Variants in LRRC7 observed in about 807,000 individuals in gnomAD.
The protein encoded by LRRC7 is leucine rich repeat containing 7.
A neutral mutation model predicts 175.7 loss-of-function variants in LRRC7; 23 were observed. The observed-to-expected ratio is 0.13, with a 90% CI of 0.09 to 0.19. The LOEUF (loss-of-function observed/expected upper bound fraction) is 0.19. Ranked by LOEUF, LRRC7 falls within the 10% of genes least tolerant of loss-of-function variation. The pLI is 1.00. For missense variants in LRRC7, 1,354 were observed against 1,904.7 expected, an observed-to-expected ratio of 0.71 and a Z score of 5.38; for synonymous variants, 685 against 680.9, an observed-to-expected ratio of 1.01 and a Z score of -0.09.
chr1:70,036,107 A>G lies in LRRC7; in HGVS notation c.1996-14A>G. 1 of 1,587,884 alleles carries G rather than the reference A, an allele frequency of 6.3e-7. No homozygotes were observed. The highest frequency in any genetic ancestry group is 8.6e-7 in the Non-Finnish European group (1 of 1,163,124). ...ATGTTTACTTTCCTTGTCCTGTATTATTATATCTCTCAGGATTCTTTTGTT... is the reference window on the plus strand; with the variant it reads ...ATGTTTACTTTCCTTGTCCTGTATTGTTATATCTCTCAGGATTCTTTTGTT... On this transcript the variant is annotated splice_polypyrimidine_tract_variant and intron_variant, in intron 18 of 26. Transcript: ENST00000651989.
chr1:69,981,969 A>G (rs1481013927), intron 9 of LRRC7, among the ~76,000 whole-genome samples: 1 of 152,234 alleles, frequency 6.6e-6, no homozygotes, highest in Non-Finnish European at 1.5e-5. Flanking sequence ...TAACACAGCC[A>G]GTACCCCAGG....
intron 26 of LRRC7, among the ~76,000 whole-genome samples, chr1:70,113,182 A>G (rs1195398487): frequency 6.6e-6 from 1 of 152,190 alleles, no homozygotes; most frequent in Non-Finnish European, 1.5e-5. Flanking sequence ...CAAACACTGA[A>G]TCACGCTTCC....
At chr1:69,756,111 A>T (rs1670396922) in intron 2 of LRRC7, among the ~76,000 whole-genome samples, 1 of 151,990 alleles carries the variant, frequency 6.6e-6, no homozygotes, top group African/African-American at 2.4e-5. Flanking sequence ...ATGAAAAAAG[A>T]TGATTCAGGG....
chr1:69,978,874 G>T (rs1215707336), intron 8 of LRRC7, among the ~76,000 whole-genome samples: 1 of 143,292 alleles, frequency 7.0e-6, no homozygotes, highest in African/African-American at 2.6e-5. Flanking sequence ...TTAGATTCCA[G>T]ATTTTATTGA....
intron 11 of LRRC7, among the ~76,000 whole-genome samples, chr1:70,010,770 G>A (rs879884553): frequency 6.6e-6 from 1 of 152,138 alleles, no homozygotes; most frequent in Non-Finnish European, 1.5e-5. Flanking sequence ...CTTACTCTGT[G>A]CCAGGCCCTT....
intron 1 of LRRC7, among the ~76,000 whole-genome samples, chr1:69,619,938 TATAAC>T (rs76501785): frequency 0.059 from 8,970 of 152,218 alleles, 376 homozygotes; most frequent in East Asian, 0.2. Context: ...TGGATTTTAA[TATAAC>T]AATATAAAAA....
At chr1:69,916,414 T>G (rs551646767) in intron 7 of LRRC7, among the ~76,000 whole-genome samples, 1 of 150,354 alleles carries the variant, frequency 6.7e-6, no homozygotes, top group African/African-American at 2.4e-5. Flanking sequence ...AAAAACCTAT[T>G]ATTGGAAATG....
chr1:69,710,669 C>A (rs1664654112), intron 2 of LRRC7, among the ~76,000 whole-genome samples: 1 of 152,156 alleles, frequency 6.6e-6, no homozygotes, highest in Non-Finnish European at 1.5e-5. Context: ...ATGTCTAAGG[C>A]AGTGACCCAT....
intron 8 of LRRC7, among the ~76,000 whole-genome samples, chr1:69,961,739 A>T (rs1475684480): frequency 6.6e-6 from 1 of 152,244 alleles, no homozygotes; most frequent in Admixed American, 6.5e-5. Flanking sequence ...TGGGAAAAGG[A>T]TTCCCTGTTT....
chr1:70,091,837 T>G (rs1664053778), intron 25 of LRRC7, among the ~76,000 whole-genome samples: 1 of 152,172 alleles, frequency 6.6e-6, no homozygotes, highest in African/African-American at 2.4e-5. Context: ...TAAAAAGCAC[T>G]TTTCTTTGGC....
intron 8 of LRRC7, among the ~76,000 whole-genome samples, chr1:69,974,836 G>T (rs1652642965): frequency 6.6e-6 from 1 of 151,886 alleles, no homozygotes; most frequent in Non-Finnish European, 1.5e-5. Context: ...TACTTTATTG[G>T]GTATTTGTGA....
rs1250768882 is a variant in LRRC7 at position 70,136,106 on chromosome 1, T to TCTTA, written c.*14220_*14223dup. Among the ~76,000 whole-genome samples, 3 of 151,396 alleles carry TCTTA rather than the reference T, an allele frequency of 2.0e-5. No individual in the cohort carries two copies. The highest frequency in any genetic ancestry group is 4.4e-5 in the Non-Finnish European group (3 of 67,838). On this transcript the variant is annotated 3_prime_UTR_variant, in exon 27 of 27. Coordinates refer to ENST00000651989, the MANE Select transcript of LRRC7 (RefSeq NM_001370785.2). ...GTGTGTGTGTGTGTGTGTCTATATA[T>TCTTA]CTTATCAGGCAATTTTTTTTTTTTT...
intron 7 of LRRC7, among the ~76,000 whole-genome samples, chr1:69,896,445 A>G (rs948673043): frequency 6.6e-6 from 1 of 152,160 alleles, no homozygotes; most frequent in Non-Finnish European, 1.5e-5. Flanking sequence ...CTGTTTCTTC[A>G]TCTTGATGTC....
chr1:70,056,377 G>A lies in LRRC7; in HGVS notation c.4230+3232G>A, dbSNP rs568834634. ...AAGCTGTAGAAAATTCAAGGGAAACGTTGAACTTCAAGGAAATACTTCACT... is the reference window on the plus strand; with the variant it reads ...AAGCTGTAGAAAATTCAAGGGAAACATTGAACTTCAAGGAAATACTTCACT... On this transcript the variant is annotated intron_variant, in intron 23 of 26. Coordinates refer to ENST00000651989, the MANE Select transcript of LRRC7 (RefSeq NM_001370785.2). 1.4e-4 allele frequency among the ~76,000 whole-genome samples: 21 copies of A among 152,254 alleles called. 1 individual carries two copies. In the South Asian group the frequency reaches 2.7e-3, roughly 20 times the overall value.
chr1:69,641,305 A>C (rs924484361), intron 1 of LRRC7, among the ~76,000 whole-genome samples: 1 of 151,558 alleles, frequency 6.6e-6, no homozygotes, highest in Non-Finnish European at 1.5e-5. Context: ...TACCTATCTC[A>C]GACCTTTTAC....
intron 23 of LRRC7, among the ~76,000 whole-genome samples, chr1:70,075,470 A>T (rs563706467): frequency 6.6e-6 from 1 of 152,334 alleles, no homozygotes; most frequent in Admixed American, 6.5e-5. Flanking sequence ...CTGAAAGCTC[A>T]TGACTAGATG....
intron 1 of LRRC7, among the ~76,000 whole-genome samples, chr1:69,674,583 A>G (rs780732494): frequency 1.3e-5 from 2 of 152,142 alleles, no homozygotes; most frequent in Non-Finnish European, 2.9e-5. Flanking sequence ...AAAACCTGGA[A>G]TTTTCTAGAA....
At chr1:69,920,646 T>G (rs1489863335) in intron 7 of LRRC7, among the ~76,000 whole-genome samples, 1 of 152,126 alleles carries the variant, frequency 6.6e-6, no homozygotes, top group Non-Finnish European at 1.5e-5. Context: ...GGGACATCAG[T>G]GAGAACTACG....
intron 2 of LRRC7, among the ~76,000 whole-genome samples, chr1:69,700,724 G>A (rs1663233625): frequency 6.6e-6 from 1 of 152,174 alleles, no homozygotes; most frequent in Non-Finnish European, 1.5e-5. Context: ...AAATTACAGG[G>A]AACTTGGTTA....
Sources: gnomAD v4.1 joint callset for allele counts (sites outside exome capture counted in the v4.1 genomes callset) on GRCh38, gnomAD v4.1.1 for gene constraint, MANE v1.5 for transcripts, NCBI Gene and HGNC (gene_info 2026-07-23, HGNC 2026-07-21) for gene names.